Variants in PARD3 observed in about 807,000 individuals in gnomAD.
PARD3 encodes the protein partitioning defective 3 homolog.
Under a neutral mutation model 155.4 loss-of-function variants are expected in PARD3, and 75 were observed. The observed-to-expected ratio is 0.48, with a 90% confidence interval of 0.40 to 0.58. PARD3 has a LOEUF of 0.58. PARD3 is among the 20% of genes least tolerant of loss of function. The pLI is 0.00. For missense variants in PARD3, 1,642 were observed against 1,721.7 expected, an observed-to-expected ratio of 0.95 and a Z score of 0.82; for synonymous variants, 576 against 610.5, an observed-to-expected ratio of 0.94 and a Z score of 0.83.
chr10:34,359,027 A>G, intron 14 of PARD3, 120 bp downstream of exon 14: 1 of 672,488 alleles, frequency 1.5e-6, no homozygotes, highest in Non-Finnish European at 2.5e-6. Flanking sequence ...TACAATAAGC[A>G]AAGATAATTT....
chr10:34,645,369 C>A (rs1044243740), intron 2 of PARD3, among the ~76,000 whole-genome samples: 5 of 151,826 alleles, frequency 3.3e-5, no homozygotes, highest in South Asian at 2.1e-4. Flanking sequence ...CCACGCCCAA[C>A]TAATTTTTGT....
chr10:34,134,017 TG>T (rs1947753895), intron 22 of PARD3, among the ~76,000 whole-genome samples: 1 of 152,240 alleles, frequency 6.6e-6, no homozygotes, highest in Admixed American at 6.5e-5. Context: ...TGAACAGGTC[TG>T]TAAATTGGGC....
intron 15 of PARD3, chr10:34,344,214 G>A: frequency 2.0e-6 from 2 of 984,500 alleles, no homozygotes; most frequent in Non-Finnish European, 1.2e-6. Context: ...CGAAATGGAT[G>A]TGCTGGTTAA....
chr10:34,404,822 C>T (rs1844267300), intron 5 of PARD3, among the ~76,000 whole-genome samples: 1 of 152,026 alleles, frequency 6.6e-6, no homozygotes, highest in Admixed American at 6.6e-5. Flanking sequence ...TAGTGGCTCA[C>T]ACCTGTAACC....
chr10:34,190,701 A>G (rs1197519098), intron 22 of PARD3, among the ~76,000 whole-genome samples: 3 of 152,188 alleles, frequency 2.0e-5, no homozygotes, highest in African/African-American at 7.2e-5. Flanking sequence ...AGTGTACTGC[A>G]TGATAAATGC....
At chr10:34,522,765 A>C (rs12255426) in intron 2 of PARD3, among the ~76,000 whole-genome samples, 4,446 of 152,298 alleles carry the variant, frequency 0.029, 223 homozygotes, top group African/African-American at 0.1. Flanking sequence ...AGGGCCCCAC[A>C]GAAACACAAA....
intron 22 of PARD3, among the ~76,000 whole-genome samples, chr10:34,143,703 A>G (rs939358158): frequency 2.0e-5 from 3 of 152,300 alleles, no homozygotes; most frequent in Non-Finnish European, 4.4e-5. Context: ...AGAATATTAA[A>G]TAATGTAACA....
intron 2 of PARD3, among the ~76,000 whole-genome samples, chr10:34,641,337 C>T (rs1313534553): frequency 2.6e-5 from 4 of 152,236 alleles, no homozygotes; most frequent in Non-Finnish European, 4.4e-5. Flanking sequence ...TGCCCGCACC[C>T]TGAGCTGCCG....
rs371167562 is a variant in PARD3 at position 34,295,780 on chromosome 10, T to C, written c.3066-11535A>G. ...GTAGAAATAACCTATATATCTTTTT[T>C]TAGCAAAGGAGTTCAGAGACTCTAT... On this transcript the variant is annotated intron_variant, in intron 20 of 24. Coordinates refer to ENST00000374788, the MANE Select transcript of PARD3 (RefSeq NM_001184785.2). Among the ~76,000 whole-genome samples, 13 of 152,282 alleles carry C rather than the reference T, an allele frequency of 8.5e-5. 1 individual carries two copies. The highest frequency in any genetic ancestry group is 3.1e-4 in the African/African-American group (13 of 41,560).
chr10:34,573,736 AACACACACACAC>A (rs60211169), intron 2 of PARD3, among the ~76,000 whole-genome samples: 43 of 39,590 alleles, frequency 1.1e-3, no homozygotes, highest in African/African-American at 3.7e-3. Flanking sequence ...AACAAACAAA[AACACACACACAC>A]ACACACACAC....
At chr10:34,761,491 A>T (rs1275763492) in intron 1 of PARD3, among the ~76,000 whole-genome samples, 1 of 152,208 alleles carries the variant, frequency 6.6e-6, no homozygotes, top group East Asian at 1.9e-4. Context: ...AGGCTAGTTT[A>T]AAACAAAACA....
intron 22 of PARD3, among the ~76,000 whole-genome samples, chr10:34,175,681 A>T (rs1950000854): frequency 6.6e-6 from 1 of 152,230 alleles, no homozygotes; most frequent in Non-Finnish European, 1.5e-5. Context: ...GATTTTAAAG[A>T]GGCTAATAAA....
intron 5 of PARD3, among the ~76,000 whole-genome samples, chr10:34,416,996 G>A (rs1023962530): frequency 3.3e-5 from 5 of 152,094 alleles, no homozygotes; most frequent in Non-Finnish European, 5.9e-5. Context: ...TGATAACAGG[G>A]GACCCCTTAC....
chr10:34,147,196 C>T (rs1039114018), intron 22 of PARD3, among the ~76,000 whole-genome samples: 3 of 152,066 alleles, frequency 2.0e-5, no homozygotes, highest in Non-Finnish European at 2.9e-5. Flanking sequence ...ATTTTTCTGA[C>T]AGACCCCCCA....
chr10:34,813,302 CTTTATT>C (rs1844446524), intron 1 of PARD3, among the ~76,000 whole-genome samples: 1 of 74,342 alleles, frequency 1.3e-5, no homozygotes, highest in Admixed American at 1.5e-4. Context: ...GTGCATATTA[CTTTATT>C]TCTCTTTCCT....
At chr10:34,461,501 G>A (rs1367101559) in intron 4 of PARD3, among the ~76,000 whole-genome samples, 1 of 152,146 alleles carries the variant, frequency 6.6e-6, no homozygotes, top group Non-Finnish European at 1.5e-5. Flanking sequence ...AGCTACTGGG[G>A]GGGCTGAGGC....
chr10:34,697,620 G>C (rs1320823490), intron 1 of PARD3, among the ~76,000 whole-genome samples: 1 of 152,170 alleles, frequency 6.6e-6, no homozygotes, highest in Non-Finnish European at 1.5e-5. Context: ...AGCACAGCAA[G>C]TAACTCAGAC....
At chr10:34,558,668 T>C (rs189951002) in intron 2 of PARD3, among the ~76,000 whole-genome samples, 4 of 152,316 alleles carry the variant, frequency 2.6e-5, no homozygotes, top group Non-Finnish European at 5.9e-5. Context: ...CGGTGGCTCA[T>C]GCCTCTAATC....
At chr10:34,178,585 G>C (rs1032698326) in intron 22 of PARD3, among the ~76,000 whole-genome samples, 1 of 152,084 alleles carries the variant, frequency 6.6e-6, no homozygotes, top group Non-Finnish European at 1.5e-5. Context: ...CCTCAAAATA[G>C]CTCCTCAAAA....
Sources: allele counts gnomAD v4.1 joint callset (sites outside exome capture counted in the v4.1 genomes callset), GRCh38; gene constraint gnomAD v4.1.1; transcripts MANE v1.5; gene names NCBI Gene and HGNC (gene_info 2026-07-23, HGNC 2026-07-21).